PCLO: variants seen among roughly 807,000 people sequenced by gnomAD.
The protein encoded by PCLO is piccolo presynaptic cytomatrix protein.
PCLO carries 82 observed loss-of-function variants against 427.5 expected under a neutral mutation model. The observed-to-expected ratio is 0.19, with a 90% confidence interval of 0.16 to 0.23. PCLO has a LOEUF of 0.23. PCLO is among the 10% of genes least tolerant of loss of function. The pLI is 1.00. For synonymous variants in PCLO, 2,357 were observed against 2,155.4 expected (o/e 1.09, Z -2.59); for missense variants, 6,239 against 6,115.9 (o/e 1.02, Z -0.67).
In PCLO at chr7:82,870,437, C is replaced by G. The variant is rs1793205696; in HGVS notation, c.13654+8900G>C. ...TATCTCTTACATATCAAAATAAACTCTAAATGAACTAAAGACTTAAATTTA... is the reference window on the plus strand; with the variant it reads ...TATCTCTTACATATCAAAATAAACTGTAAATGAACTAAAGACTTAAATTTA... On this transcript the variant is annotated intron_variant, in intron 10 of 24. Coordinates refer to ENST00000333891, the MANE Select transcript of PCLO (RefSeq NM_033026.6). Among the ~76,000 whole-genome samples the G allele has an allele frequency of 2.0e-5, 3 of 152,024 alleles. No individual in the cohort carries two copies. The South Asian group carries it at 6.2e-4, about 31-fold the overall frequency.
chr7:82,981,098 A>G (rs936852779), intron 3 of PCLO, among the ~76,000 whole-genome samples: 1 of 152,186 alleles, frequency 6.6e-6, no homozygotes, highest in Non-Finnish European at 1.5e-5. Context: ...ATAAAAAATA[A>G]TATTTCTCCA....
chr7:83,064,211 G>A (rs916666816), intron 3 of PCLO, among the ~76,000 whole-genome samples: 1 of 151,956 alleles, frequency 6.6e-6, no homozygotes, highest in Non-Finnish European at 1.5e-5. Flanking sequence ...TATACCATAA[G>A]AGAGCTCATG....
chr7:82,947,280 T>C (rs1400620991), intron 6 of PCLO, among the ~76,000 whole-genome samples: 1 of 152,164 alleles, frequency 6.6e-6, no homozygotes, highest in East Asian at 1.9e-4. Flanking sequence ...TGTGTGTCAC[T>C]GTGTTGTTTC....
intron 3 of PCLO, among the ~76,000 whole-genome samples, chr7:83,044,392 A>G (rs1294818878): frequency 6.6e-6 from 1 of 152,236 alleles, no homozygotes; most frequent in Non-Finnish European, 1.5e-5. Flanking sequence ...TTTGGTAACT[A>G]ATAAACAAAT....
At chr7:82,925,237 T>G (rs544975390) in intron 6 of PCLO, among the ~76,000 whole-genome samples, 1 of 152,132 alleles carries the variant, frequency 6.6e-6, no homozygotes. Context: ...GGAAGGGAAG[T>G]GAAATATGCA....
intron 10 of PCLO, among the ~76,000 whole-genome samples, chr7:82,857,567 C>T (rs1792840922): frequency 6.6e-6 from 1 of 151,982 alleles, no homozygotes; most frequent in Admixed American, 6.6e-5. Context: ...ACTGCCACCA[C>T]CATCTCCACT....
chr7:82,829,783 A>G (rs1043408702), intron 16 of PCLO, among the ~76,000 whole-genome samples: 1 of 152,174 alleles, frequency 6.6e-6, no homozygotes, highest in Non-Finnish European at 1.5e-5. Context: ...TGTGAACAAG[A>G]AATTTGTTCA....
At chr7:82,899,870 G>C (rs528488541) in intron 9 of PCLO, among the ~76,000 whole-genome samples, 1 of 151,588 alleles carries the variant, frequency 6.6e-6, no homozygotes, top group African/African-American at 2.4e-5. Context: ...AATACAGCTA[G>C]AAAACAGGCA....
At chr7:83,051,282 G>A (rs550954354) in intron 3 of PCLO, among the ~76,000 whole-genome samples, 43 of 145,298 alleles carry the variant, frequency 3.0e-4, no homozygotes, top group African/African-American at 9.2e-4. Flanking sequence ...GTTCACAGAT[G>A]ACATGATGTT....
intron 22 of PCLO, among the ~76,000 whole-genome samples, chr7:82,767,909 C>A (rs1337410282): frequency 6.6e-6 from 1 of 150,886 alleles, no homozygotes; most frequent in East Asian, 2.0e-4. Context: ...GAAATTCATT[C>A]TGAAATATAT....
At chr7:82,780,716 A>G (rs1790855469) in intron 22 of PCLO, among the ~76,000 whole-genome samples, 1 of 152,232 alleles carries the variant, frequency 6.6e-6, no homozygotes, top group African/African-American at 2.4e-5. Flanking sequence ...TAGTGATACT[A>G]CAAATAAGTG....
chr7:83,112,031 T>TG (rs1029203417), intron 3 of PCLO, among the ~76,000 whole-genome samples: 9 of 133,962 alleles, frequency 6.7e-5, no homozygotes, highest in Admixed American at 6.1e-4. Flanking sequence ...AGGAAATGTC[T>TG]GGGTTTTTTT....
chr7:82,889,203 C>T (rs1793701323), intron 9 of PCLO, among the ~76,000 whole-genome samples: 1 of 152,060 alleles, frequency 6.6e-6, no homozygotes, highest in Non-Finnish European at 1.5e-5. Context: ...GTGTGGTGTC[C>T]TGTTCCCCCA....
intron 23 of PCLO, among the ~76,000 whole-genome samples, 159 bp from the exon 24 acceptor site, chr7:82,760,943 C>CTT (rs767222339): frequency 0.25 from 15,237 of 60,322 alleles, 5,058 homozygotes; most frequent in East Asian, 0.49. Flanking sequence ...AAAGATATGT[C>CTT]TTTTTTTTTT....
chr7:82,912,241 A>G (rs1230961771), intron 7 of PCLO, among the ~76,000 whole-genome samples: 1 of 152,016 alleles, frequency 6.6e-6, no homozygotes, highest in African/African-American at 2.4e-5. Flanking sequence ...AAAATTTCTA[A>G]TACTTAATGA....
rs1789886801 is a variant in PCLO, at chr7:83,074,036, T to C, written c.3300+60214A>G. 2.6e-5 allele frequency among the ~76,000 whole-genome samples: 4 copies of C among 151,948 alleles called. No individual in the cohort carries two copies. In the South Asian group the frequency reaches 8.3e-4, roughly 31 times the overall value. ...CTATTAAATACAAATTAAACACATA[T>C]AATTGTGGAAAAGAACCTTATCTTT... On this transcript the variant is annotated intron_variant, in intron 3 of 24. Coordinates refer to ENST00000333891, the MANE Select transcript of PCLO (RefSeq NM_033026.6).
intron 20 of PCLO, chr7:82,820,822 G>A (rs1055790638): frequency 1.7e-5 from 21 of 1,230,700 alleles, no homozygotes; most frequent in Admixed American, 4.2e-5. Context: ...AACAGATTAG[G>A]TTAGTAGCAT....
chr7:82,893,985 TTTTA>T (rs1793839845), intron 9 of PCLO, among the ~76,000 whole-genome samples: 1 of 151,998 alleles, frequency 6.6e-6, no homozygotes, highest in African/African-American at 2.4e-5. Flanking sequence ...ATTATCTGTG[TTTTA>T]TTTTATATGT....
intron 3 of PCLO, among the ~76,000 whole-genome samples, chr7:83,042,872 C>T (rs962515330): frequency 6.6e-6 from 1 of 151,972 alleles, no homozygotes; most frequent in Non-Finnish European, 1.5e-5. Flanking sequence ...AACAAACAAA[C>T]AAACAAACAA....
Sources: allele counts gnomAD v4.1 joint callset (sites outside exome capture counted in the v4.1 genomes callset), GRCh38; gene constraint gnomAD v4.1.1; transcripts MANE v1.5; gene names NCBI Gene and HGNC (gene_info 2026-07-23, HGNC 2026-07-21).